EBF2: variants seen among roughly 807,000 people sequenced by gnomAD.
EBF2 encodes the protein transcription factor COE2.
EBF2 carries 21 observed loss-of-function variants against 72.8 expected under a neutral mutation model. The observed-to-expected ratio is 0.29, with a 90% CI of 0.20 to 0.42. EBF2 has a LOEUF of 0.42. EBF2 is among the 10% of genes least tolerant of loss of function. The probability of loss-of-function intolerance (pLI) is 1.00; values close to 1 mark genes in which losing one functional copy is unlikely to be tolerated. For synonymous variants in EBF2, 299 were observed against 274.2 expected (o/e 1.09, Z -0.89); for missense variants, 637 against 731.2 (o/e 0.87, Z 1.49).
At chr8:26,037,795 C>G (rs1389301188) in intron 5 of EBF2, among the ~76,000 whole-genome samples, 1 of 152,042 alleles carries the variant, frequency 6.6e-6, no homozygotes, top group Non-Finnish European at 1.5e-5. Flanking sequence ...AAGAGAGGAA[C>G]AGAGACCATT....
chr8:25,957,401 C>T (rs1305483416), intron 6 of EBF2, among the ~76,000 whole-genome samples: 1 of 152,190 alleles, frequency 6.6e-6, no homozygotes, highest in Non-Finnish European at 1.5e-5. Flanking sequence ...GGTAAAGTGA[C>T]TTGGGCCAGC....
Position 25,861,460 on chromosome 8 carries a change from C to T in EBF2, c.1099-86G>A, listed in dbSNP as rs1802211923. On this transcript the variant is annotated intron_variant, in intron 11 of 15. Transcript: ENST00000520164. ...AAAATTATAGGCAAAAATGAGAAATCCACACATCCCTCCCAAAATGTAAGT... is the reference window on the plus strand; with the variant it reads ...AAAATTATAGGCAAAAATGAGAAATTCACACATCCCTCCCAAAATGTAAGT... 2.1e-6 allele frequency: 3 copies of T among 1,449,986 alleles called. No homozygotes were observed. In the East Asian group the frequency reaches 6.9e-5, roughly 33 times the overall value. 89.8% of individuals were successfully genotyped at this position (1,449,986 alleles called of 1,614,324 possible).
intron 7 of EBF2, among the ~76,000 whole-genome samples, chr8:25,890,101 A>T (rs894253033): frequency 1.3e-5 from 2 of 152,220 alleles, no homozygotes; most frequent in Non-Finnish European, 2.9e-5. Flanking sequence ...AAGCACACCC[A>T]TGTAATGAAG....
At chr8:25,956,651 C>G (rs1118617) in intron 6 of EBF2, among the ~76,000 whole-genome samples, 5,774 of 152,242 alleles carry the variant, frequency 0.038, 155 homozygotes, top group Middle Eastern at 0.095. Context: ...ATTTAACTCC[C>G]ATTTATAAGT....
chr8:25,937,344 C>G (rs1333046352), intron 6 of EBF2, among the ~76,000 whole-genome samples: 2 of 152,164 alleles, frequency 1.3e-5, no homozygotes, highest in South Asian at 4.1e-4. Context: ...TACAAGGGAA[C>G]AAAGTTTCTA....
intron 6 of EBF2, among the ~76,000 whole-genome samples, chr8:26,014,305 A>T (rs766415109): frequency 6.6e-6 from 1 of 152,178 alleles, no homozygotes; most frequent in Non-Finnish European, 1.5e-5. Context: ...CCAGGATATG[A>T]TAAAGAGATA....
chr8:25,873,230 C>A (rs1201345553), intron 10 of EBF2, among the ~76,000 whole-genome samples: 1 of 152,198 alleles, frequency 6.6e-6, no homozygotes, highest in Non-Finnish European at 1.5e-5. Flanking sequence ...AATGACACAA[C>A]CTTCATCAGG....
At chr8:25,905,689 G>A (rs1803021485) in intron 7 of EBF2, among the ~76,000 whole-genome samples, 1 of 152,182 alleles carries the variant, frequency 6.6e-6, no homozygotes, top group Non-Finnish European at 1.5e-5. Flanking sequence ...GGAGAAACAG[G>A]AACTGGGAGA....
intron 8 of EBF2, among the ~76,000 whole-genome samples, chr8:25,888,471 A>C (rs1218548285): frequency 6.6e-6 from 1 of 152,202 alleles, no homozygotes; most frequent in East Asian, 1.9e-4. Flanking sequence ...GTTTTTGCCC[A>C]TATTTTTATA....
At chr8:26,039,886 A>C in intron 5 of EBF2, 142 bp downstream of exon 5, 1 of 787,834 alleles carries the variant, frequency 1.3e-6, no homozygotes, top group Admixed American at 1.9e-5. Flanking sequence ...CCGTGGATCT[A>C]CACTCTGCGC....
chr8:26,018,810 A>G (rs371620492), intron 6 of EBF2, among the ~76,000 whole-genome samples: 2 of 151,972 alleles, frequency 1.3e-5, no homozygotes, highest in African/African-American at 2.4e-5. Flanking sequence ...TAAACATTAC[A>G]TCTTATTTTC....
chr8:25,879,806 G>T (rs941893944), intron 10 of EBF2, among the ~76,000 whole-genome samples: 1 of 152,188 alleles, frequency 6.6e-6, no homozygotes, highest in Non-Finnish European at 1.5e-5. Context: ...GTATCCTGCA[G>T]TAGTATCTTA....
chr8:25,885,585 G>A (rs1802676006), intron 10 of EBF2, among the ~76,000 whole-genome samples: 1 of 152,142 alleles, frequency 6.6e-6, no homozygotes, highest in African/African-American at 2.4e-5. Flanking sequence ...ATTCCCATGT[G>A]TTGTGGGAGG....
Position 25,912,428 on chromosome 8 carries a change from CTGT to C in EBF2, c.552-3876_552-3874del, listed in dbSNP as rs767935809. On this transcript the variant is annotated intron_variant, in intron 6 of 15. Coordinates refer to ENST00000520164, the MANE Select transcript of EBF2 (RefSeq NM_022659.4). ...ATATGTAAGTTATATCTCAATACAC[CTGT>C]TATTAAAAAAACACTTCAAAATGGT... Among the ~76,000 whole-genome samples, 4 of 143,294 alleles carry C rather than the reference CTGT, an allele frequency of 2.8e-5. No individual in the cohort carries two copies. The East Asian group carries it at 8.5e-4, about 30-fold the overall frequency. 94.0% of individuals were successfully genotyped at this position (143,294 alleles called of 152,430 possible).
chr8:26,044,240 C>T lies in EBF2; in HGVS notation c.131+489G>A, dbSNP rs1314488461. The stretch of plus-strand genomic sequence containing the variant: ...TTTCCCGCTCCCCTCGCCGCCGCCA[C>T]CCTCTGGCCGCCGGCCTCCCAGGCT... On this transcript the variant is annotated intron_variant, in intron 1 of 15. Coordinates refer to ENST00000520164, the MANE Select transcript of EBF2 (RefSeq NM_022659.4). This position sits in a 1 kb window ranked among gnomAD's most constrained non-coding sequence, Gnocchi z 4.1. Among the ~76,000 whole-genome samples the T allele has an allele frequency of 6.6e-6, 1 of 152,168 alleles. No homozygotes were observed. Among genetic ancestry groups the T allele is most frequent in the Non-Finnish European group, 1.5e-5 (1 of 68,020 alleles).
intron 6 of EBF2, among the ~76,000 whole-genome samples, chr8:26,026,469 T>C (rs1250645150): frequency 6.6e-6 from 1 of 152,208 alleles, no homozygotes; most frequent in Non-Finnish European, 1.5e-5. Context: ...TCTTGACCTC[T>C]GTAACATTAG....
chr8:25,854,548 T>C (rs1265092940), intron 14 of EBF2, among the ~76,000 whole-genome samples: 1 of 152,188 alleles, frequency 6.6e-6, no homozygotes, highest in Non-Finnish European at 1.5e-5. Context: ...CCTTTAAAAA[T>C]TAACAATGGT....
intron 6 of EBF2, among the ~76,000 whole-genome samples, chr8:25,938,400 T>TTTGTCTTTCAGTTTTTTTC (rs1803615130): frequency 6.6e-6 from 1 of 151,948 alleles, no homozygotes; most frequent in African/African-American, 2.4e-5. Flanking sequence ...TAGTTTTTTT[T>TTTGTCTTTCAGTTTTTTTC]TTGTCTTTCA....
At chr8:25,850,829 C>T (rs1211043491) in intron 14 of EBF2, 68 bp from the exon 15 acceptor site, 5 of 1,481,256 alleles carry the variant, frequency 3.4e-6, no homozygotes, top group African/African-American at 3.0e-5. Context: ...ATTTGGCACA[C>T]ATTTATTGAG....
Sources: allele counts gnomAD v4.1 joint callset (sites outside exome capture counted in the v4.1 genomes callset), GRCh38; gene constraint gnomAD v4.1.1; non-coding constraint Gnocchi (gnomAD v3.1); transcripts MANE v1.5; gene names NCBI Gene and HGNC (gene_info 2026-07-23, HGNC 2026-07-21).